WWOX: variants seen among roughly 807,000 people sequenced by gnomAD.
WWOX encodes WW domain-containing oxidoreductase.
Under a neutral mutation model 46.2 loss-of-function variants are expected in WWOX, and 69 were observed. The ratio of observed to expected loss-of-function variants is 1.49; its 90% confidence interval spans 1.23 to 1.82. The LOEUF (loss-of-function observed/expected upper bound fraction) is 1.82, where lower values mean the gene tolerates loss of function less well. Among genes scored for constraint, WWOX ranks in the 40% most tolerant of loss-of-function variants. The pLI is 0.00. For missense variants in WWOX, 919 were observed against 542.6 expected, an observed-to-expected ratio of 1.69 and a Z score of -6.89; for synonymous variants, 359 against 202.6, an observed-to-expected ratio of 1.77 and a Z score of -6.56.
intron 8 of WWOX, among the ~76,000 whole-genome samples, chr16:78,910,288 T>C (rs2045075161): frequency 6.6e-6 from 1 of 150,386 alleles, no homozygotes; most frequent in African/African-American, 2.4e-5. Flanking sequence ...GATCATGGAC[T>C]CACATGACAA....
intron 5 of WWOX, among the ~76,000 whole-genome samples, chr16:78,293,225 G>T (rs1371195682): frequency 6.6e-6 from 1 of 152,172 alleles, no homozygotes; most frequent in Non-Finnish European, 1.5e-5. Context: ...GCCAAACAGG[G>T]ATTATACATT....
At chr16:79,121,981 T>A (rs2049643006) in intron 8 of WWOX, among the ~76,000 whole-genome samples, 1 of 152,112 alleles carries the variant, frequency 6.6e-6, no homozygotes, top group Admixed American at 6.5e-5. Context: ...TAATATAGCG[T>A]CAGGCTCCTC....
intron 8 of WWOX, among the ~76,000 whole-genome samples, chr16:79,073,202 C>T (rs925507426): frequency 1.8e-4 from 27 of 147,088 alleles, no homozygotes; most frequent in African/African-American, 6.2e-4. Flanking sequence ...ACTGAGACAC[C>T]GTTTTACTCT....
intron 5 of WWOX, among the ~76,000 whole-genome samples, chr16:78,314,526 G>T (rs112626642): frequency 6.8e-4 from 91 of 132,922 alleles, no homozygotes; most frequent in African/African-American, 1.3e-3. Context: ...AATTTGTGGG[G>T]TTTTTTTTTT....
intron 8 of WWOX, among the ~76,000 whole-genome samples, chr16:79,156,130 G>T (rs2050376980): frequency 1.3e-5 from 2 of 152,106 alleles, no homozygotes; most frequent in African/African-American, 2.4e-5. Context: ...TACTAACAGT[G>T]CTAATGTGAT....
intron 8 of WWOX, among the ~76,000 whole-genome samples, chr16:78,964,160 G>C (rs4587992): frequency 0.59 from 89,167 of 151,532 alleles, 26,393 homozygotes; most frequent in African/African-American, 0.63. Flanking sequence ...TTGCTGAAAA[G>C]ATATCTGAAA....
At chr16:78,840,012 T>C (rs953904208) in intron 8 of WWOX, among the ~76,000 whole-genome samples, 4 of 152,210 alleles carry the variant, frequency 2.6e-5, no homozygotes, top group African/African-American at 7.2e-5. Context: ...AGCCACAGTT[T>C]CTTCGTCTTT....
intron 8 of WWOX, among the ~76,000 whole-genome samples, chr16:79,132,569 C>A (rs1208705926): frequency 6.6e-6 from 1 of 152,112 alleles, no homozygotes; most frequent in African/African-American, 2.4e-5. Flanking sequence ...AGCAACCTTT[C>A]CATTTGCTCT....
intron 8 of WWOX, among the ~76,000 whole-genome samples, chr16:78,931,616 G>T (rs2045626081): frequency 6.6e-6 from 1 of 152,188 alleles, no homozygotes; most frequent in Admixed American, 6.5e-5. Context: ...ACATATAAAA[G>T]TAATTAGGTA....
chr16:79,190,215 G>C (rs754295241), intron 8 of WWOX, among the ~76,000 whole-genome samples: 5 of 152,094 alleles, frequency 3.3e-5, no homozygotes, highest in Non-Finnish European at 7.4e-5. Context: ...AGTAAAGACA[G>C]GGTTTCACCG....
chr16:79,037,009 G>A (rs977873794), intron 8 of WWOX, among the ~76,000 whole-genome samples: 2 of 152,138 alleles, frequency 1.3e-5, no homozygotes, highest in Admixed American at 6.5e-5. Flanking sequence ...CATGGCTCAC[G>A]TATTAACTGT....
intron 8 of WWOX, among the ~76,000 whole-genome samples, chr16:79,052,176 C>T (rs994725598): frequency 1.3e-5 from 2 of 152,034 alleles, no homozygotes; most frequent in African/African-American, 4.8e-5. Context: ...TCTCCCAATG[C>T]TATCCCTCCC....
At chr16:79,195,113 G>C (rs12446799) in intron 8 of WWOX, among the ~76,000 whole-genome samples, 1 of 152,098 alleles carries the variant, frequency 6.6e-6, no homozygotes, top group Admixed American at 6.6e-5. Flanking sequence ...ATTTACAGAG[G>C]AGAAAACAGA....
intron 5 of WWOX, among the ~76,000 whole-genome samples, chr16:78,334,917 CTT>C (rs202225216): frequency 0.012 from 1,349 of 109,842 alleles, 22 homozygotes; most frequent in African/African-American, 0.042. Flanking sequence ...GAGATACCAT[CTT>C]TTTTTAAAAA....
chr16:78,543,844 C>T (rs2151531550), intron 8 of WWOX, among the ~76,000 whole-genome samples: 1 of 152,270 alleles, frequency 6.6e-6, no homozygotes, highest in Admixed American at 6.5e-5. Context: ...GCCCTGTCTT[C>T]CTGCTTATGA....
Position 78,572,535 on chromosome 16 carries a change from C to T in WWOX, c.1056+139783C>T, listed in dbSNP as rs142207022. Among the ~76,000 whole-genome samples the T allele has an allele frequency of 6.9e-3, 924 of 133,678 alleles. 5 individuals carry two copies. Among genetic ancestry groups the T allele is most frequent in the South Asian group, 9.5e-3 (40 of 4,194 alleles). The allele number at this position is 133,678 out of a possible 152,430, so 87.7% of individuals were successfully genotyped here. On this transcript the variant is annotated intron_variant, in intron 8 of 8. Coordinates refer to ENST00000566780, the MANE Select transcript of WWOX (RefSeq NM_016373.4). ...GGAGGACCTCTTGAGCCGGGAAGGTCGAGGCTGCAGTGAGCCATGATTGTA... is the reference window on the plus strand; with the variant it reads ...GGAGGACCTCTTGAGCCGGGAAGGTTGAGGCTGCAGTGAGCCATGATTGTA...
At chr16:78,400,316 G>A (rs1327466558) in intron 6 of WWOX, among the ~76,000 whole-genome samples, 3 of 152,144 alleles carry the variant, frequency 2.0e-5, no homozygotes, top group African/African-American at 7.2e-5. Flanking sequence ...TTAATGGAAT[G>A]CACCAGGCTA....
At chr16:78,818,611 G>C (rs1036702912) in intron 8 of WWOX, among the ~76,000 whole-genome samples, 10 of 152,162 alleles carry the variant, frequency 6.6e-5, no homozygotes, top group Non-Finnish European at 1.0e-4. Context: ...CATGCCTGTA[G>C]TCCTAGCTAC....
intron 8 of WWOX, among the ~76,000 whole-genome samples, chr16:78,529,457 A>C (rs1597217742): frequency 1.3e-5 from 2 of 151,414 alleles, no homozygotes; most frequent in South Asian, 2.1e-4. Context: ...ACCTCTTCTC[A>C]GAATGTTTTT....
Sources: gnomAD v4.1 joint callset for allele counts (sites outside exome capture counted in the v4.1 genomes callset) on GRCh38, gnomAD v4.1.1 for gene constraint, MANE v1.5 for transcripts, NCBI Gene and HGNC (gene_info 2026-07-23, HGNC 2026-07-21) for gene names.